PPP2R5E: variants seen among roughly 807,000 people sequenced by gnomAD.
The protein encoded by PPP2R5E is serine/threonine-protein phosphatase 2A 56 kDa regulatory subunit epsilon isoform.
In PPP2R5E, 4 loss-of-function variants were observed where a neutral mutation model predicts 65.3. The observed-to-expected ratio is 0.06, with a 90% CI of 0.03 to 0.14. The LOEUF (loss-of-function observed/expected upper bound fraction) is 0.14. PPP2R5E is among the 10% of genes least tolerant of loss of function. The pLI is 1.00. For missense variants in PPP2R5E, 274 were observed against 556.1 expected (o/e 0.49, Z 5.10); for synonymous variants, 183 against 187.4 (o/e 0.98, Z 0.19).
intron 3 of PPP2R5E, among the ~76,000 whole-genome samples, chr14:63,423,996 T>A (rs566950613): frequency 6.6e-6 from 1 of 151,622 alleles, no homozygotes; most frequent in African/African-American, 2.4e-5. Flanking sequence ...TGATTTTTGC[T>A]TAAAAAAAAA....
At chr14:63,465,090 A>G (rs2139527945) in intron 2 of PPP2R5E, among the ~76,000 whole-genome samples, 1 of 152,078 alleles carries the variant, frequency 6.6e-6, no homozygotes, top group East Asian at 1.9e-4. Context: ...TTGAGTAAAG[A>G]TTAAATGAAA....
At chr14:63,539,268 T>C (rs969673689) in intron 2 of PPP2R5E, among the ~76,000 whole-genome samples, 1 of 152,182 alleles carries the variant, frequency 6.6e-6, no homozygotes, top group Non-Finnish European at 1.5e-5. Context: ...ATCTTAAAGT[T>C]TCTCTAGTAC....
At position 63,478,587 on chromosome 14, in the gene PPP2R5E, C is replaced by T. The variant is rs569671315; in HGVS notation, c.158-24702G>A. On this transcript the variant is annotated intron_variant, in intron 2 of 13. Transcript: ENST00000337537. ...CAGGTAATGCAGATTCTGGAAAACA[C>T]GGTCATGGGAGAGGGAAAAACATAT... Among the ~76,000 whole-genome samples the T allele has an allele frequency of 6.6e-5, 8 of 122,132 alleles. No homozygotes were observed. In the East Asian group the frequency reaches 1.5e-3, roughly 23 times the overall value. 80.1% of individuals were successfully genotyped at this position (122,132 alleles called of 152,430 possible).
At chr14:63,478,757 G>A (rs1480305878) in intron 2 of PPP2R5E, among the ~76,000 whole-genome samples, 2 of 152,020 alleles carry the variant, frequency 1.3e-5, no homozygotes, top group African/African-American at 2.4e-5. Flanking sequence ...TGAGAACCTG[G>A]CTCCAATGCT....
At chr14:63,417,707 C>T (rs548886482) in intron 4 of PPP2R5E, among the ~76,000 whole-genome samples, 3 of 151,898 alleles carry the variant, frequency 2.0e-5, no homozygotes, top group East Asian at 1.9e-4. Flanking sequence ...CAAGTGAAAT[C>T]GGCTTTTTTA....
chr14:63,484,177 A>G (rs976949366), intron 2 of PPP2R5E, among the ~76,000 whole-genome samples: 9 of 152,048 alleles, frequency 5.9e-5, no homozygotes, highest in Admixed American at 3.3e-4. Flanking sequence ...GCCACTCCCT[A>G]AAGGCAGGAA....
intron 3 of PPP2R5E, among the ~76,000 whole-genome samples, chr14:63,425,506 G>A (rs995502540): frequency 6.6e-6 from 1 of 152,128 alleles, no homozygotes; most frequent in African/African-American, 2.4e-5. Flanking sequence ...AACCATGAAA[G>A]GGGGGAAAAG....
At position 63,403,163 on chromosome 14, in the gene PPP2R5E, A is replaced by G. The variant is rs538138605; in HGVS notation, c.550-6447T>C. 2.2e-4 allele frequency among the ~76,000 whole-genome samples: 34 copies of G among 152,298 alleles called. 2 individuals are homozygous for G. In the South Asian group the frequency reaches 6.2e-3, roughly 28 times the overall value. ...GTAGGCAGGCAGGGCACAGTGGCTC[A>G]CGCCTGTAATCCCAGCACTTTGGAA... is the stretch of plus-strand genomic sequence containing the variant. On this transcript the variant is annotated intron_variant, in intron 5 of 13. Transcript: ENST00000337537.
At chr14:63,522,477 G>A (rs1892962979) in intron 2 of PPP2R5E, among the ~76,000 whole-genome samples, 1 of 150,840 alleles carries the variant, frequency 6.6e-6, no homozygotes, top group South Asian at 2.1e-4. Context: ...CTGCCCGGCC[G>A]CCATCCCATC....
intron 3 of PPP2R5E, among the ~76,000 whole-genome samples, chr14:63,423,754 G>A (rs1204743947): frequency 6.6e-6 from 1 of 152,194 alleles, no homozygotes; most frequent in Non-Finnish European, 1.5e-5. Context: ...ATTATTAAGT[G>A]CCTATTACGT....
chr14:63,490,020 T>C (rs184589684), intron 2 of PPP2R5E, among the ~76,000 whole-genome samples: 4 of 152,232 alleles, frequency 2.6e-5, no homozygotes, highest in Non-Finnish European at 4.4e-5. Flanking sequence ...TTTCCTTAAA[T>C]TTTATGTATA....
At chr14:63,392,660 G>A (rs1234990479) in intron 8 of PPP2R5E, among the ~76,000 whole-genome samples, 1 of 152,166 alleles carries the variant, frequency 6.6e-6, no homozygotes, top group Non-Finnish European at 1.5e-5. Flanking sequence ...GGCTTGTAAA[G>A]ATTCTTGGAC....
chr14:63,429,615 G>A (rs989478007), intron 3 of PPP2R5E, among the ~76,000 whole-genome samples: 9 of 152,042 alleles, frequency 5.9e-5, no homozygotes, highest in African/African-American at 2.2e-4. Flanking sequence ...ACAACCAGGA[G>A]GGGCTAGTAA....
intron 2 of PPP2R5E, among the ~76,000 whole-genome samples, chr14:63,482,786 A>G (rs1294948264): frequency 1.3e-5 from 2 of 152,240 alleles, no homozygotes; most frequent in African/African-American, 4.8e-5. Flanking sequence ...AAAATCTAAC[A>G]GAATAACCTG....
chr14:63,514,843 T>C (rs759296757), intron 2 of PPP2R5E, among the ~76,000 whole-genome samples: 1 of 152,188 alleles, frequency 6.6e-6, no homozygotes, highest in African/African-American at 2.4e-5. Flanking sequence ...ATATCACCTC[T>C]AAAATGAATC....
chr14:63,393,517 T>C (rs1352696772), intron 8 of PPP2R5E, among the ~76,000 whole-genome samples: 1 of 152,044 alleles, frequency 6.6e-6, no homozygotes, highest in Admixed American at 6.5e-5. Flanking sequence ...ACCCAGACCA[T>C]CTTGGCCAAC....
At chr14:63,507,759 T>C (rs1265426421) in intron 2 of PPP2R5E, among the ~76,000 whole-genome samples, 1 of 150,994 alleles carries the variant, frequency 6.6e-6, no homozygotes, top group Non-Finnish European at 1.5e-5. Flanking sequence ...TTGTATTTTT[T>C]AGTAGAGACG....
At chr14:63,389,065 A>G (rs1415419026) in intron 11 of PPP2R5E, among the ~76,000 whole-genome samples, 2 of 152,150 alleles carry the variant, frequency 1.3e-5, no homozygotes, top group Non-Finnish European at 1.5e-5. Flanking sequence ...CAGCTACACC[A>G]AAGATCAAAA....
In PPP2R5E at chr14:63,390,969, G is replaced by A. The variant is rs575014915; in HGVS notation, c.954+848C>T. ...CAAAGGTACAAATGATTGTAGGCCTGAACCCCCCAGGGTCATTTGTGAATG... is the reference window on the plus strand; with the variant it reads ...CAAAGGTACAAATGATTGTAGGCCTAAACCCCCCAGGGTCATTTGTGAATG... On this transcript the variant is annotated intron_variant, in intron 10 of 13. Transcript: ENST00000337537. Among the ~76,000 whole-genome samples, 9 of 152,320 alleles carry A rather than the reference G, an allele frequency of 5.9e-5. 1 individual carries two copies. The highest frequency in any genetic ancestry group is 3.4e-3 in the Middle Eastern group (1 of 294).
Sources: allele counts gnomAD v4.1 joint callset (sites outside exome capture counted in the v4.1 genomes callset), GRCh38; gene constraint gnomAD v4.1.1; transcripts MANE v1.5; gene names NCBI Gene and HGNC (gene_info 2026-07-23, HGNC 2026-07-21).